SLIT3: variants seen among roughly 807,000 people sequenced by gnomAD.
The protein encoded by SLIT3 is slit homolog 3 protein.
SLIT3 carries 68 observed loss-of-function variants against 184.0 expected under a neutral mutation model. The observed-to-expected ratio is 0.37, with a 90% CI of 0.30 to 0.45. The LOEUF (loss-of-function observed/expected upper bound fraction) is 0.45. Among genes scored for constraint, SLIT3 ranks in the 20% least tolerant of loss-of-function variants. The pLI is 1.00. For synonymous variants in SLIT3, 831 were observed against 828.6 expected (o/e 1.00, Z -0.05); for missense variants, 1,707 against 2,026.0 (o/e 0.84, Z 3.02).
intron 20 of SLIT3, among the ~76,000 whole-genome samples, chr5:168,746,668 T>G (rs1754443977): frequency 1.3e-5 from 1 of 79,796 alleles, no homozygotes; most frequent in Non-Finnish European, 2.6e-5. Flanking sequence ...TGTGTGAGTG[T>G]GGTGGTATGG....
intron 4 of SLIT3, among the ~76,000 whole-genome samples, chr5:169,014,094 G>A (rs1476555590): frequency 1.4e-5 from 2 of 144,596 alleles, no homozygotes; most frequent in Non-Finnish European, 3.0e-5. Context: ...TTTGTGGGAA[G>A]GAAGGCAGGC....
chr5:169,245,322 C>T (rs1362984472), intron 2 of SLIT3, among the ~76,000 whole-genome samples: 1 of 152,132 alleles, frequency 6.6e-6, no homozygotes, highest in Non-Finnish European at 1.5e-5. Flanking sequence ...AGGCTCCCTC[C>T]CTCCAGCCAC....
intron 4 of SLIT3, among the ~76,000 whole-genome samples, chr5:168,962,089 C>T (rs1295293694): frequency 6.6e-6 from 1 of 152,076 alleles, no homozygotes. Context: ...GGTGATCTAC[C>T]TGCTGGAATC....
In SLIT3 at chr5:169,297,182, C is replaced by T. The variant is rs1295514345; in HGVS notation, c.197+3331G>A. Reference sequence around the variant, plus strand: ...GGATAATAAATTACACTGAATTCTTCTCTGCATTTATTTAGCTTTCTTGTG... The same window carrying T: ...GGATAATAAATTACACTGAATTCTTTTCTGCATTTATTTAGCTTTCTTGTG... On this transcript the variant is annotated intron_variant, in intron 1 of 35. Transcript: ENST00000519560. 3.3e-5 allele frequency among the ~76,000 whole-genome samples: 5 copies of T among 152,226 alleles called. No homozygotes were observed. In the East Asian group the frequency reaches 9.6e-4, roughly 29 times the overall value.
chr5:168,743,352 T>C (rs1296891690), intron 20 of SLIT3, among the ~76,000 whole-genome samples: 1 of 152,246 alleles, frequency 6.6e-6, no homozygotes, highest in African/African-American at 2.4e-5. Context: ...TTTTGGTAAT[T>C]CTCACAATAT....
chr5:169,177,634 C>T (rs1763024562), intron 4 of SLIT3, among the ~76,000 whole-genome samples: 1 of 152,130 alleles, frequency 6.6e-6, no homozygotes. Context: ...GGGGTCTTTT[C>T]TTAAATACAA....
chr5:168,951,868 T>C (rs189564144), intron 4 of SLIT3, among the ~76,000 whole-genome samples: 3 of 152,202 alleles, frequency 2.0e-5, no homozygotes, highest in African/African-American at 7.2e-5. Context: ...AAGACACCCA[T>C]GATTTAAGGT....
intron 4 of SLIT3, among the ~76,000 whole-genome samples, chr5:169,193,153 C>G (rs574990730): frequency 5.5e-4 from 83 of 152,274 alleles, no homozygotes; most frequent in African/African-American, 2.0e-3. Context: ...CTATCTCAAA[C>G]CCCACCTCAG....
chr5:169,141,607 CG>C (rs1761743120), intron 4 of SLIT3, among the ~76,000 whole-genome samples: 1 of 151,498 alleles, frequency 6.6e-6, no homozygotes, highest in African/African-American at 2.4e-5. Flanking sequence ...GGCGTGGTGG[CG>C]GGTGCCTGTA....
chr5:169,063,776 C>T (rs1211697982), intron 4 of SLIT3, among the ~76,000 whole-genome samples: 4 of 152,214 alleles, frequency 2.6e-5, no homozygotes, highest in African/African-American at 7.2e-5. Context: ...GTTCATCTCG[C>T]GCTAACAGCT....
chr5:168,687,105 A>G lies in SLIT3; in HGVS notation c.3188T>C (p.Val1063Ala). The change falls in exon 30 of 36, where the codon GTC (valine) becomes GCC (alanine). Residue 1063 changes from valine to alanine, a missense_variant. Physicochemically the swap from Val to Ala is moderately conservative, Grantham distance 64. This residue lies in a region of SLIT3 where 1,307 missense variants were observed against 1,511.6 expected (regional missense o/e 0.86). Transcript: ENST00000519560. ...PLDKGFSCEC[V>A]PGYSGKLCET... ...ACAGAGCTTCCCGCTGTAGCCAGGG[A>G]CACACTCGCAGCTGGAACATAGGCA... 1.2e-6 allele frequency: 2 copies of G among 1,613,968 alleles called. No individual in the cohort carries two copies. Among genetic ancestry groups the G allele is most frequent in the Non-Finnish European group, 1.7e-6 (2 of 1,179,812 alleles).
At chr5:169,206,130 A>C (rs561620765) in intron 3 of SLIT3, among the ~76,000 whole-genome samples, 1 of 152,318 alleles carries the variant, frequency 6.6e-6, no homozygotes, top group East Asian at 1.9e-4. Context: ...TGGCAGGGCT[A>C]TGTTGGGGGC....
intron 4 of SLIT3, among the ~76,000 whole-genome samples, chr5:169,175,576 C>T (rs754964646): frequency 6.6e-6 from 1 of 152,144 alleles, no homozygotes; most frequent in Admixed American, 6.5e-5. Context: ...GCTTTGTAAG[C>T]GTTCAACAAA....
intron 16 of SLIT3, among the ~76,000 whole-genome samples, chr5:168,754,707 C>A (rs1754835055): frequency 6.6e-6 from 1 of 152,086 alleles, no homozygotes; most frequent in African/African-American, 2.4e-5. Context: ...CTGTACATTG[C>A]ATGCATGTAT....
chr5:169,147,730 A>C (rs1761973845), intron 4 of SLIT3, among the ~76,000 whole-genome samples: 1 of 152,164 alleles, frequency 6.6e-6, no homozygotes, highest in African/African-American at 2.4e-5. Context: ...GGATGAGAGT[A>C]TAGAGATACC....
intron 4 of SLIT3, among the ~76,000 whole-genome samples, chr5:169,157,706 AT>A (rs1762356520): frequency 6.6e-6 from 1 of 152,248 alleles, no homozygotes; most frequent in Non-Finnish European, 1.5e-5. Flanking sequence ...TATATGAGAA[AT>A]GACAATCAAA....
chr5:169,125,456 T>C (rs1321672889), intron 4 of SLIT3, among the ~76,000 whole-genome samples: 1 of 152,250 alleles, frequency 6.6e-6, no homozygotes, highest in Non-Finnish European at 1.5e-5. Context: ...GATGAAGATA[T>C]AACCTATTAA....
intron 4 of SLIT3, among the ~76,000 whole-genome samples, chr5:169,166,951 G>C (rs1274500543): frequency 6.6e-6 from 1 of 152,128 alleles, no homozygotes; most frequent in Admixed American, 6.5e-5. Flanking sequence ...GAGGATGCTT[G>C]AGGCCAGGAG....
intron 2 of SLIT3, among the ~76,000 whole-genome samples, chr5:169,245,952 C>G (rs1388085676): frequency 6.6e-6 from 1 of 152,208 alleles, no homozygotes; most frequent in Non-Finnish European, 1.5e-5. Context: ...CCTAGCACAG[C>G]AGGCACTTCA....
Sources: allele counts gnomAD v4.1 joint callset (sites outside exome capture counted in the v4.1 genomes callset), GRCh38; gene constraint gnomAD v4.1.1; regional missense constraint gnomAD v4.1.1; transcripts MANE v1.5; gene names NCBI Gene and HGNC (gene_info 2026-07-23, HGNC 2026-07-21).